The following BMPR1B variants were observed in gnomAD, a reference collection of about 807,000 sequenced individuals.
BMPR1B encodes bone morphogenetic protein receptor type 1B.
A neutral mutation model predicts 59.1 loss-of-function variants in BMPR1B; 12 were observed. The observed-to-expected ratio is 0.20, with a 90% confidence interval of 0.13 to 0.33. The LOEUF (loss-of-function observed/expected upper bound fraction) is 0.33, where lower values mean the gene tolerates loss of function less well. Ranked by LOEUF, BMPR1B falls within the 10% of genes least tolerant of loss-of-function variation. BMPR1B has a pLI of 1.00. For synonymous variants in BMPR1B, 237 were observed against 207.3 expected (o/e 1.14, Z -1.23); for missense variants, 550 against 610.9 (o/e 0.90, Z 1.05).
chr4:94,804,780 G>A (rs1723545714), intron 1 of BMPR1B, among the ~76,000 whole-genome samples: 2 of 152,026 alleles, frequency 1.3e-5, no homozygotes, highest in South Asian at 2.1e-4. Flanking sequence ...TTTGTAACAC[G>A]TATGCCTAAG....
chr4:95,039,753 T>C (rs1725519253), intron 3 of BMPR1B, among the ~76,000 whole-genome samples: 1 of 152,168 alleles, frequency 6.6e-6, no homozygotes, highest in African/African-American at 2.4e-5. Context: ...TAAAACATTA[T>C]GAGATTTTTT....
At chr4:94,803,921 T>C (rs747944454) in intron 1 of BMPR1B, among the ~76,000 whole-genome samples, 2 of 152,158 alleles carry the variant, frequency 1.3e-5, no homozygotes, top group African/African-American at 2.4e-5. Flanking sequence ...CTCTGTTGCC[T>C]AGGCTGGAGT....
intron 2 of BMPR1B, among the ~76,000 whole-genome samples, chr4:94,918,287 T>C (rs1728563874): frequency 6.6e-6 from 1 of 152,206 alleles, no homozygotes; most frequent in African/African-American, 2.4e-5. Context: ...TATACATACA[T>C]CACACTGCAT....
At chr4:95,025,144 G>A (rs1724265332) in intron 3 of BMPR1B, among the ~76,000 whole-genome samples, 1 of 152,068 alleles carries the variant, frequency 6.6e-6, no homozygotes, top group African/African-American at 2.4e-5. Flanking sequence ...AAGGAAATTA[G>A]TTTTGGGTGT....
At position 94,992,372 on chromosome 4, in the gene BMPR1B, C is replaced by T. The variant is rs147586712; in HGVS notation, c.-112-3668C>T. On this transcript the variant is annotated intron_variant, in intron 2 of 12. Transcript: ENST00000515059. ...TCCACTACCTTGCCTGGGCATGGGCCTATACATCTTCAGTGACTGCTATAA... is the reference window on the plus strand; with the variant it reads ...TCCACTACCTTGCCTGGGCATGGGCTTATACATCTTCAGTGACTGCTATAA... 3.2e-3 allele frequency among the ~76,000 whole-genome samples: 481 copies of T among 152,298 alleles called. 2 individuals carry two copies. Among genetic ancestry groups the T allele is most frequent in the Non-Finnish European group, 5.8e-3 (395 of 68,032 alleles).
chr4:95,147,470 AGG>A (rs1734730869), intron 10 of BMPR1B, among the ~76,000 whole-genome samples: 1 of 152,140 alleles, frequency 6.6e-6, no homozygotes, highest in South Asian at 2.1e-4. Context: ...CTATGACAGC[AGG>A]ATAAGTGTGA....
chr4:94,952,465 G>A (rs544009751), intron 2 of BMPR1B, among the ~76,000 whole-genome samples: 3 of 152,166 alleles, frequency 2.0e-5, no homozygotes, highest in South Asian at 2.1e-4. Context: ...TTGTGTCTTC[G>A]TTCTCATTGG....
rs189227724 is a variant in BMPR1B at position 94,956,110 on chromosome 4, G to A, written c.-112-39930G>A. 2.5e-4 allele frequency among the ~76,000 whole-genome samples: 38 copies of A among 152,180 alleles called. 1 individual carries two copies. The South Asian group carries it at 3.5e-3, about 14-fold the overall frequency. The stretch of plus-strand genomic sequence containing the variant: ...CCTTTACAAATTCTTGGTATCTTAC[G>A]TTTTGAAATTATAGTTCATCAGTAG... On this transcript the variant is annotated intron_variant, in intron 2 of 12. Coordinates refer to ENST00000515059, the MANE Select transcript of BMPR1B (RefSeq NM_001203.3).
chr4:95,104,236 A>G lies in BMPR1B; in HGVS notation c.-17-172A>G, dbSNP rs977305877. ...TTTCTTTATTCTGTATGAGGTGTAT[A>G]CTAGGTAAAAGACATGATTTTAATC... On this transcript the variant is annotated intron_variant, in intron 3 of 12. Coordinates refer to ENST00000515059, the MANE Select transcript of BMPR1B (RefSeq NM_001203.3). 1.8e-4 allele frequency: 128 copies of G among 709,044 alleles called. No homozygotes were observed. In the East Asian group the frequency reaches 3.5e-3, roughly 19 times the overall value. The allele number at this position is 709,044 out of a possible 1,614,324, so 43.9% of individuals were successfully genotyped here. A position where few individuals can be genotyped will look rare whatever the true frequency, so the allele number is the denominator to read the frequency against.
Position 94,808,650 on chromosome 4 carries a change from T to G in BMPR1B, c.-183+50582T>G, listed in dbSNP as rs183302980. Among the ~76,000 whole-genome samples the G allele has an allele frequency of 2.1e-4, 32 of 152,376 alleles. No individual in the cohort carries two copies. The East Asian group carries it at 5.2e-3, about 25-fold the overall frequency. Reference sequence around the variant, plus strand: ...GATATGCACTTTCAAAACTAGAATCTGAAAGGATTATGCTTATTTTTGTCA... The same window carrying G: ...GATATGCACTTTCAAAACTAGAATCGGAAAGGATTATGCTTATTTTTGTCA... On this transcript the variant is annotated intron_variant, in intron 1 of 12. Coordinates refer to ENST00000515059, the MANE Select transcript of BMPR1B (RefSeq NM_001203.3).
chr4:95,107,396 G>A (rs914681340), intron 4 of BMPR1B, among the ~76,000 whole-genome samples: 1 of 151,876 alleles, frequency 6.6e-6, no homozygotes, highest in Admixed American at 6.6e-5. Flanking sequence ...AATGGGTTGT[G>A]TTATATGGTT....
chr4:95,030,171 T>C (rs62316240), intron 3 of BMPR1B, among the ~76,000 whole-genome samples: 41,140 of 151,264 alleles, frequency 0.27, 6,192 homozygotes, highest in South Asian at 0.42. Context: ...TTTTGGTGTT[T>C]TAGACATGAA....
intron 10 of BMPR1B, among the ~76,000 whole-genome samples, chr4:95,140,666 C>G (rs1330844511): frequency 6.6e-6 from 1 of 152,044 alleles, no homozygotes; most frequent in Non-Finnish European, 1.5e-5. Context: ...CTTCATTTCT[C>G]CTACCAGTGA....
intron 1 of BMPR1B, among the ~76,000 whole-genome samples, chr4:94,860,945 A>G (rs1014733913): frequency 5.9e-5 from 8 of 136,610 alleles, no homozygotes; most frequent in Non-Finnish European, 1.2e-4. Context: ...CTTGAGAGTT[A>G]TAGTCTTGAG....
intron 2 of BMPR1B, among the ~76,000 whole-genome samples, chr4:94,926,265 T>G (rs1264609266): frequency 6.6e-6 from 1 of 151,978 alleles, no homozygotes; most frequent in Non-Finnish European, 1.5e-5. Flanking sequence ...GTGCTTTTCG[T>G]TCTGAATAGA....
chr4:94,975,718 C>T (rs769048649), intron 2 of BMPR1B, among the ~76,000 whole-genome samples: 3 of 152,054 alleles, frequency 2.0e-5, no homozygotes, highest in Non-Finnish European at 4.4e-5. Context: ...TATTATAATA[C>T]CTAACCTGTT....
intron 1 of BMPR1B, among the ~76,000 whole-genome samples, chr4:94,791,484 T>C (rs1468635691): frequency 6.6e-6 from 1 of 152,190 alleles, no homozygotes; most frequent in Non-Finnish European, 1.5e-5. Context: ...TCAGTTATGC[T>C]CTTGGGAAAT....
intron 3 of BMPR1B, among the ~76,000 whole-genome samples, chr4:95,028,040 G>A (rs1482099014): frequency 6.6e-6 from 1 of 152,086 alleles, no homozygotes; most frequent in Admixed American, 6.6e-5. Flanking sequence ...GTTATATATA[G>A]GATGATTGGA....
chr4:95,003,669 G>T (rs1413668294), intron 3 of BMPR1B, among the ~76,000 whole-genome samples: 1 of 151,884 alleles, frequency 6.6e-6, no homozygotes, highest in African/African-American at 2.4e-5. Flanking sequence ...ATAGACCATT[G>T]GATGACTTAT....
Sources: allele counts gnomAD v4.1 joint callset (sites outside exome capture counted in the v4.1 genomes callset), GRCh38; gene constraint gnomAD v4.1.1; transcripts MANE v1.5; gene names NCBI Gene and HGNC (gene_info 2026-07-23, HGNC 2026-07-21).